BTBD9: variants seen among roughly 807,000 people sequenced by gnomAD.
The protein encoded by BTBD9 is BTB domain containing 9.
A neutral mutation model predicts 64.3 loss-of-function variants in BTBD9; 49 were observed. The observed-to-expected ratio is 0.76, with a 90% CI of 0.61 to 0.97. The LOEUF (loss-of-function observed/expected upper bound fraction) is 0.97. BTBD9 is among the 50% of genes least tolerant of loss of function. The pLI is 0.00. For synonymous variants in BTBD9, 260 were observed against 274.7 expected (o/e 0.95, Z 0.53); for missense variants, 598 against 762.1 (o/e 0.78, Z 2.53).
chr6:38,266,601 GAAAGGAA>G, intron 8 of BTBD9, among the ~76,000 whole-genome samples: 1 of 99,106 alleles, frequency 1.0e-5, no homozygotes, highest in African/African-American at 4.2e-5. Flanking sequence ...AGAAAGGAAA[GAAAGGAA>G]AGAAAGAAAG....
intron 7 of BTBD9, among the ~76,000 whole-genome samples, chr6:38,295,785 C>A (rs538468796): frequency 1.3e-5 from 2 of 152,260 alleles, no homozygotes; most frequent in African/African-American, 4.8e-5. Flanking sequence ...GTGGCTCATG[C>A]CTGTAATAAT....
intron 9 of BTBD9, among the ~76,000 whole-genome samples, chr6:38,202,095 T>G (rs1345686424): frequency 3.3e-5 from 5 of 150,044 alleles, no homozygotes; most frequent in South Asian, 2.1e-4. Flanking sequence ...GTTTTTTTTT[T>G]TTTTTTTTGA....
chr6:38,252,643 TG>T (rs1055730620), intron 9 of BTBD9, among the ~76,000 whole-genome samples: 37 of 152,060 alleles, frequency 2.4e-4, no homozygotes, highest in Admixed American at 2.1e-3. Flanking sequence ...AATCCACCAA[TG>T]AAAAAAAATT....
chr6:38,536,012 A>C (rs1774006571), intron 6 of BTBD9, among the ~76,000 whole-genome samples: 1 of 151,720 alleles, frequency 6.6e-6, no homozygotes, highest in Admixed American at 6.6e-5. Flanking sequence ...ATCAAGTTAA[A>C]AAGCTTCTGC....
chr6:38,220,862 C>G (rs1483562577), intron 9 of BTBD9, among the ~76,000 whole-genome samples: 1 of 152,168 alleles, frequency 6.6e-6, no homozygotes, highest in African/African-American at 2.4e-5. Context: ...CTTTCCAGCT[C>G]CCTCCACCCA....
intron 8 of BTBD9, among the ~76,000 whole-genome samples, chr6:38,278,180 C>G (rs1197154349): frequency 1.3e-5 from 2 of 152,168 alleles, no homozygotes; most frequent in Non-Finnish European, 2.9e-5. Context: ...TCTTGTTTCT[C>G]TGGGGCAAAA....
chr6:38,269,749 C>T (rs17685625), intron 8 of BTBD9, among the ~76,000 whole-genome samples: 54,086 of 152,060 alleles, frequency 0.36, 10,412 homozygotes, highest in Non-Finnish European at 0.44. Context: ...AGAGTAGCTT[C>T]CCTTCTTCCA....
At chr6:38,264,515 C>T (rs1231225080) in intron 8 of BTBD9, among the ~76,000 whole-genome samples, 1 of 152,208 alleles carries the variant, frequency 6.6e-6, no homozygotes. Flanking sequence ...AGACAAACAA[C>T]ACATTAGGGT....
rs769779170 is a variant in BTBD9, at chr6:38,277,057, C to T, written c.1454+11215G>A. Among the ~76,000 whole-genome samples the T allele has an allele frequency of 3.3e-5, 5 of 152,200 alleles. 1 individual carries two copies. The highest frequency in any genetic ancestry group is 4.1e-4 in the South Asian group (2 of 4,820). The stretch of plus-strand genomic sequence containing the variant: ...TAAACTATAGTTAACTAAAGTAAAA[C>T]GAAACCAAATAAAATTTATTCTGAT... On this transcript the variant is annotated intron_variant, in intron 8 of 10. Coordinates refer to ENST00000481247, the MANE Select transcript of BTBD9 (RefSeq NM_001099272.2).
intron 6 of BTBD9, among the ~76,000 whole-genome samples, chr6:38,506,718 T>C (rs999072535): frequency 2.0e-5 from 3 of 152,230 alleles, no homozygotes; most frequent in African/African-American, 4.8e-5. Flanking sequence ...TCTGCTTCTG[T>C]TCTTGACCCA....
In BTBD9 at chr6:38,184,559, G is replaced by A. The variant is rs779390039; in HGVS notation, c.1641+7960C>T. ...CTGCCTCTCCATTTGCTCTCTCTGT[G>A]CTCTGCCACAGAGCACAGAGAGCGC... On this transcript the variant is annotated intron_variant, in intron 10 of 10. Coordinates refer to ENST00000481247, the MANE Select transcript of BTBD9 (RefSeq NM_001099272.2). This position sits in a 1 kb window ranked among gnomAD's most constrained non-coding sequence, Gnocchi z 4.4. Among the ~76,000 whole-genome samples the A allele has an allele frequency of 1.6e-4, 24 of 152,066 alleles. No individual in the cohort carries two copies. The highest frequency in any genetic ancestry group is 2.9e-4 in the Non-Finnish European group (20 of 68,016).
chr6:38,382,973 A>G (rs1766002631), intron 6 of BTBD9, among the ~76,000 whole-genome samples: 2 of 152,232 alleles, frequency 1.3e-5, no homozygotes, highest in African/African-American at 4.8e-5. Flanking sequence ...TTCAAGAAAC[A>G]GACAATTTTA....
chr6:38,490,673 C>A (rs2127390751), intron 6 of BTBD9, among the ~76,000 whole-genome samples: 1 of 152,216 alleles, frequency 6.6e-6, no homozygotes, highest in African/African-American at 2.4e-5. Flanking sequence ...GAAGGGAAGT[C>A]AGTGCTAGAT....
rs181666552 is a variant in BTBD9, at chr6:38,543,517, C to T, written c.1154+34083G>A. Among the ~76,000 whole-genome samples, 123 of 152,258 alleles carry T rather than the reference C, an allele frequency of 8.1e-4. 1 individual carries two copies. The highest frequency in any genetic ancestry group is 1.6e-3 in the Non-Finnish European group (106 of 68,020). On this transcript the variant is annotated intron_variant, in intron 6 of 10. Transcript: ENST00000481247. The stretch of plus-strand genomic sequence containing the variant: ...GAGCTCTTACAATTTTCAATGGGCT[C>T]GGTCAATACCCATTTACAATTCATT...
intron 6 of BTBD9, among the ~76,000 whole-genome samples, chr6:38,410,638 G>A (rs79045537): frequency 0.014 from 2,157 of 152,210 alleles, 57 homozygotes; most frequent in African/African-American, 0.049. Context: ...AATATTACCT[G>A]GTCATGTAAC....
chr6:38,169,173 GC>G lies in BTBD9; in HGVS notation c.*5811del, dbSNP rs1477568455. On this transcript the variant is annotated 3_prime_UTR_variant, in exon 11 of 11. Transcript: ENST00000481247. Reference sequence around the variant, plus strand: ...GACCCTGGAAGCAGCTGATTGAGGGGCCTGGGAAGACCCCATGGCCTCCAGC... The same window carrying G: ...GACCCTGGAAGCAGCTGATTGAGGGGCTGGGAAGACCCCATGGCCTCCAGC... 2 of 152,410 alleles carry G rather than the reference GC, an allele frequency of 1.3e-5. No homozygotes were observed. Among genetic ancestry groups the G allele is most frequent in the African/African-American group, 4.8e-5 (2 of 41,434 alleles). 9.4% of individuals were successfully genotyped at this position (152,410 alleles called of 1,614,324 possible).
intron 10 of BTBD9, chr6:38,179,440 G>C (rs1227337465): frequency 2.2e-6 from 1 of 456,672 alleles, no homozygotes; most frequent in African/African-American, 2.0e-5. Flanking sequence ...ATACTGCGGT[G>C]CTACAGAAGG....
intron 8 of BTBD9, among the ~76,000 whole-genome samples, chr6:38,279,633 G>A (rs1164407177): frequency 6.6e-6 from 1 of 152,110 alleles, no homozygotes; most frequent in Non-Finnish European, 1.5e-5. Context: ...GCCTATCCTG[G>A]GGCAGCAGCA....
At chr6:38,540,558 G>A (rs1191496006) in intron 6 of BTBD9, among the ~76,000 whole-genome samples, 1 of 152,140 alleles carries the variant, frequency 6.6e-6, no homozygotes, top group Non-Finnish European at 1.5e-5. Context: ...CACTTACATG[G>A]TATAAAAGTA....
Sources: allele counts gnomAD v4.1 joint callset (sites outside exome capture counted in the v4.1 genomes callset), GRCh38; gene constraint gnomAD v4.1.1; non-coding constraint Gnocchi (gnomAD v3.1); transcripts MANE v1.5; gene names NCBI Gene and HGNC (gene_info 2026-07-23, HGNC 2026-07-21).